RANBP3L: variants seen among roughly 807,000 people sequenced by gnomAD.
The protein encoded by RANBP3L is ran-binding protein 3-like.
Under a neutral mutation model 67.2 loss-of-function variants are expected in RANBP3L, and 56 were observed. That is an observed-to-expected ratio of 0.83 (90% CI 0.67 to 1.04). The LOEUF (loss-of-function observed/expected upper bound fraction) is 1.04, where lower values mean the gene tolerates loss of function less well. Ranked by LOEUF, RANBP3L falls within the 50% of genes least tolerant of loss-of-function variation. RANBP3L has a pLI of 0.00. For missense variants in RANBP3L, 496 were observed against 535.5 expected (o/e 0.93, Z 0.73); for synonymous variants, 164 against 181.4 (o/e 0.90, Z 0.77).
At chr5:36,255,361 TG>T (rs1748893814) in intron 11 of RANBP3L, 108 bp downstream of exon 11, 3 of 1,039,604 alleles carry the variant, frequency 2.9e-6, no homozygotes, top group Non-Finnish European at 4.0e-6. Context: ...TCTGATTTTT[TG>T]GTGTATTTTA....
At chr5:36,251,041 G>T (rs1748551446) in intron 13 of RANBP3L, among the ~76,000 whole-genome samples, 2 of 152,064 alleles carry the variant, frequency 1.3e-5, no homozygotes, top group African/African-American at 4.8e-5. Context: ...AAAATGAAGG[G>T]TTAATTTCAG....
chr5:36,281,618 A>G (rs1750977026), intron 1 of RANBP3L, among the ~76,000 whole-genome samples: 1 of 152,252 alleles, frequency 6.6e-6, no homozygotes, highest in Non-Finnish European at 1.5e-5. Context: ...TGGTTGGGAC[A>G]TGATCCTATA....
intron 1 of RANBP3L, among the ~76,000 whole-genome samples, chr5:36,273,006 C>T (rs1201363789): frequency 1.3e-5 from 2 of 152,110 alleles, no homozygotes; most frequent in Admixed American, 6.5e-5. Flanking sequence ...TGATCCCCAG[C>T]AGAAAATCTT....
chr5:36,293,444 T>C (rs1168040654), intron 1 of RANBP3L, among the ~76,000 whole-genome samples: 17 of 151,660 alleles, frequency 1.1e-4, no homozygotes, highest in African/African-American at 3.9e-4. Context: ...CTATGTTGAA[T>C]AGGAGTGGTG....
intron 1 of RANBP3L, among the ~76,000 whole-genome samples, chr5:36,292,110 A>G (rs10054466): frequency 0.94 from 140,955 of 150,056 alleles, 67,024 homozygotes; most frequent in Non-Finnish European, 0.99. Flanking sequence ...GTGTGAGATG[A>G]TATCTCATTG....
In RANBP3L at chr5:36,247,226, C is replaced by A. The variant is rs1342507597; in HGVS notation, c.*2428G>T. Reference sequence around the variant, plus strand: ...AAGGAAAAACTATAAAATGTTTCTACTATTCCTCCAAAATTGTACTAAATA... The same window carrying A: ...AAGGAAAAACTATAAAATGTTTCTAATATTCCTCCAAAATTGTACTAAATA... On this transcript the variant is annotated 3_prime_UTR_variant, in exon 14 of 14. Coordinates refer to ENST00000296604, the MANE Select transcript of RANBP3L (RefSeq NM_145000.5). Among the ~76,000 whole-genome samples the A allele has an allele frequency of 2.6e-5, 4 of 152,156 alleles. No individual in the cohort carries two copies. Among genetic ancestry groups the A allele is most frequent in the Non-Finnish European group, 4.4e-5 (3 of 68,028 alleles).
chr5:36,262,065 A>G (rs1484470061), intron 6 of RANBP3L, 23 bp from the exon 7 acceptor site: 1 of 1,216,034 alleles, frequency 8.2e-7, no homozygotes, highest in Non-Finnish European at 1.2e-6. Context: ...AAATCCATCA[A>G]AAAGTTTATA....
intron 10 of RANBP3L, among the ~76,000 whole-genome samples, chr5:36,256,218 C>A (rs906702062): frequency 6.6e-6 from 1 of 152,058 alleles, no homozygotes; most frequent in Non-Finnish European, 1.5e-5. Context: ...CCTGGAGCCT[C>A]ACCCCTAACA....
At chr5:36,277,530 GCTT>G (rs1318199321) in intron 1 of RANBP3L, among the ~76,000 whole-genome samples, 15 of 149,722 alleles carry the variant, frequency 1.0e-4, no homozygotes, top group Admixed American at 4.7e-4. Flanking sequence ...AACACCTACA[GCTT>G]CTTCTTCTAA....
At chr5:36,278,831 A>C (rs557396950) in intron 1 of RANBP3L, among the ~76,000 whole-genome samples, 5 of 152,312 alleles carry the variant, frequency 3.3e-5, no homozygotes, top group African/African-American at 9.6e-5. Context: ...TCTCACATGC[A>C]AAAGTTCGCT....
At chr5:36,292,358 C>T (rs1407089973) in intron 1 of RANBP3L, among the ~76,000 whole-genome samples, 2 of 151,708 alleles carry the variant, frequency 1.3e-5, no homozygotes, top group Non-Finnish European at 2.9e-5. Context: ...GTTGCCTGTT[C>T]ACTCTGATGG....
chr5:36,289,187 A>C (rs1035761765), intron 1 of RANBP3L, among the ~76,000 whole-genome samples: 5 of 152,040 alleles, frequency 3.3e-5, no homozygotes, highest in African/African-American at 9.7e-5. Flanking sequence ...TCTCCCTTTG[A>C]GTTATCTTGA....
At chr5:36,270,796 C>A (rs1372410811) in intron 2 of RANBP3L, among the ~76,000 whole-genome samples, 1 of 152,232 alleles carries the variant, frequency 6.6e-6, no homozygotes, top group Non-Finnish European at 1.5e-5. Context: ...TCATGCCCAG[C>A]AACTAATCTT....
At chr5:36,254,075 G>A (rs1333778947) in intron 11 of RANBP3L, among the ~76,000 whole-genome samples, 3 of 151,944 alleles carry the variant, frequency 2.0e-5, no homozygotes, top group East Asian at 1.9e-4. Flanking sequence ...ATTTGTCCAC[G>A]AATTGTCTAC....
At chr5:36,256,218 C>T (rs906702062) in intron 10 of RANBP3L, among the ~76,000 whole-genome samples, 2 of 152,058 alleles carry the variant, frequency 1.3e-5, no homozygotes, top group Non-Finnish European at 2.9e-5. Context: ...CCTGGAGCCT[C>T]ACCCCTAACA....
intron 1 of RANBP3L, among the ~76,000 whole-genome samples, chr5:36,298,271 G>A (rs960140743): frequency 2.7e-5 from 4 of 149,680 alleles, no homozygotes; most frequent in Non-Finnish European, 5.9e-5. Context: ...CTGCACTCCA[G>A]CCTGGGTGAC....
At chr5:36,284,362 T>C (rs1751185850) in intron 1 of RANBP3L, among the ~76,000 whole-genome samples, 2 of 152,338 alleles carry the variant, frequency 1.3e-5, no homozygotes, top group South Asian at 4.1e-4. Context: ...GCATTTTAAA[T>C]CCTGACTTTT....
At chr5:36,264,188 T>G (rs960178379) in intron 6 of RANBP3L, among the ~76,000 whole-genome samples, 3 of 152,218 alleles carry the variant, frequency 2.0e-5, no homozygotes, top group African/African-American at 7.2e-5. Flanking sequence ...TCCGTGTTTC[T>G]GTCCTTATGT....
chr5:36,294,580 C>T (rs1388957797), intron 1 of RANBP3L, among the ~76,000 whole-genome samples: 2 of 151,458 alleles, frequency 1.3e-5, no homozygotes, highest in Admixed American at 6.6e-5. Flanking sequence ...TGAATGAGTC[C>T]CAGAGATTCT....
Sources: gnomAD v4.1 joint callset for allele counts (sites outside exome capture counted in the v4.1 genomes callset) on GRCh38, gnomAD v4.1.1 for gene constraint, MANE v1.5 for transcripts, NCBI Gene and HGNC (gene_info 2026-07-23, HGNC 2026-07-21) for gene names.